Variants in TMEM74 observed in about 807,000 individuals in gnomAD.
TMEM74 encodes the protein transmembrane protein 74.
Under a neutral mutation model 18.1 loss-of-function variants are expected in TMEM74, and 13 were observed. The observed-to-expected ratio is 0.72, with a 90% CI of 0.47 to 1.14. TMEM74 has a LOEUF of 1.14. Among genes scored for constraint, TMEM74 ranks in the 50% most tolerant of loss-of-function variants. TMEM74 has a pLI of 0.00. For synonymous variants in TMEM74, 159 were observed against 146.6 expected, an observed-to-expected ratio of 1.08 and a Z score of -0.61; for missense variants, 372 against 375.9, an observed-to-expected ratio of 0.99 and a Z score of 0.09.
chr8:108,784,272 C>T lies in TMEM74; in HGVS notation c.827G>A (p.Gly276Asp). ...GGTTTTCATCCTGAAGTTGAAAGAA[C>T]CATAGAGTTTTGCAGACTCTTTGGA... ...ASSKESAKLY[G>D]SFNFRMKTST... Residue 276 changes from glycine (G) to aspartate (D), a missense_variant, in exon 2 of 2, where the codon GGT (glycine) becomes GAT (aspartate). Physicochemically the swap from Gly to Asp is moderately conservative, Grantham distance 94. Coordinates refer to ENST00000297459, the MANE Select transcript of TMEM74 (RefSeq NM_153015.3). 2 of 1,614,140 alleles carry T rather than the reference C, an allele frequency of 1.2e-6. No individual in the cohort carries two copies. Among genetic ancestry groups the T allele is most frequent in the Non-Finnish European group, 1.7e-6 (2 of 1,180,032 alleles).
At chr8:108,757,512 C>T (rs1009209705) in intron 1 of TMEM74, among the ~76,000 whole-genome samples, 3 of 151,898 alleles carry the variant, frequency 2.0e-5, no homozygotes, top group African/African-American at 7.3e-5. Flanking sequence ...GAGATATTCA[C>T]AAGCTTATAT....
downstream of TMEM74, among the ~76,000 whole-genome samples, chr8:108,776,089 GA>G: frequency 6.6e-6 from 1 of 152,312 alleles, no homozygotes; most frequent in East Asian, 1.9e-4. Flanking sequence ...TCTCTTGTCA[GA>G]GTGCTTATTG....
At chr8:108,617,178 T>C (rs971537539) in intron 2 of TMEM74, among the ~76,000 whole-genome samples, 4 of 151,746 alleles carry the variant, frequency 2.6e-5, no homozygotes, top group Non-Finnish European at 4.4e-5. Flanking sequence ...AAGAATTTCA[T>C]GCAAACGCAA....
Position 108,722,161 on chromosome 8 carries a change from G to T in TMEM74, n.119+65315C>A, listed in dbSNP as rs1813592098. Among the ~76,000 whole-genome samples the T allele has an allele frequency of 2.6e-5, 4 of 152,248 alleles. 1 individual carries two copies. The South Asian group carries it at 8.3e-4, about 32-fold the overall frequency. ...TTTGTGATTATATTGGGCCCATCTGGTTAATCCAGAATAATCTTCCCATAG... is the reference window on the plus strand; with the variant it reads ...TTTGTGATTATATTGGGCCCATCTGTTTAATCCAGAATAATCTTCCCATAG... On this transcript the variant is annotated intron_variant and non_coding_transcript_variant, in intron 1 of 3. Transcript: ENST00000518838.
chr8:108,765,198 A>T (rs1814090444), intron 1 of TMEM74, among the ~76,000 whole-genome samples: 1 of 152,096 alleles, frequency 6.6e-6, no homozygotes, highest in Non-Finnish European at 1.5e-5. Flanking sequence ...TGAACTGGTG[A>T]TCAGAATTTA....
intron 1 of TMEM74, among the ~76,000 whole-genome samples, chr8:108,752,832 A>G (rs1056075425): frequency 1.3e-5 from 2 of 152,102 alleles, no homozygotes; most frequent in Non-Finnish European, 2.9e-5. Flanking sequence ...TTAATTTCTT[A>G]TCTGTCTTAG....
In TMEM74 at chr8:108,786,987, G is replaced by A. The variant is rs148656005; in HGVS notation, c.-40+489C>T. 6.6e-3 allele frequency among the ~76,000 whole-genome samples: 999 copies of A among 152,160 alleles called. 15 individuals carry two copies. The highest frequency in any genetic ancestry group is 0.022 in the African/African-American group (895 of 41,508). On this transcript the variant is annotated intron_variant, in intron 1 of 1. Coordinates refer to ENST00000297459, the MANE Select transcript of TMEM74 (RefSeq NM_153015.3). ...GATTTCCTTTGCAGCTCCCTAATCC[G>A]GGGTTTCCATTCTCAGTGGAGAATG...
chr8:108,744,066 A>G (rs1241955855), intron 1 of TMEM74, among the ~76,000 whole-genome samples: 6 of 152,172 alleles, frequency 3.9e-5, no homozygotes. Flanking sequence ...GGAGGTGTGC[A>G]ACATTTCCTC....
chr8:108,670,922 A>T (rs1333928641), intron 1 of TMEM74, among the ~76,000 whole-genome samples: 1 of 152,208 alleles, frequency 6.6e-6, no homozygotes, highest in Non-Finnish European at 1.5e-5. Flanking sequence ...TCCAAGAATG[A>T]CCAATTGTGC....
chr8:108,668,483 G>A (rs76678054), intron 1 of TMEM74, among the ~76,000 whole-genome samples: 4,466 of 152,164 alleles, frequency 0.029, 121 homozygotes, highest in African/African-American at 0.066. Context: ...AATAGCACCA[G>A]CTCTAACTCT....
chr8:108,664,496 A>C (rs555295821), intron 1 of TMEM74, among the ~76,000 whole-genome samples: 318 of 152,280 alleles, frequency 2.1e-3, no homozygotes, highest in African/African-American at 7.3e-3. Context: ...GTATCTCAAG[A>C]CTTCGTTAAA....
At chr8:108,722,733 C>A (rs1384953190) in intron 1 of TMEM74, among the ~76,000 whole-genome samples, 3 of 150,168 alleles carry the variant, frequency 2.0e-5, no homozygotes, top group Non-Finnish European at 4.4e-5. Context: ...TTTGCTCCCA[C>A]TAAGCTGTAT....
At chr8:108,680,943 G>C (rs1283523295) in intron 1 of TMEM74, among the ~76,000 whole-genome samples, 1 of 152,044 alleles carries the variant, frequency 6.6e-6, no homozygotes, top group Non-Finnish European at 1.5e-5. Context: ...AAAATACCTA[G>C]GAATCCAACT....
intron 1 of TMEM74, among the ~76,000 whole-genome samples, chr8:108,756,643 A>G (rs13252963): frequency 0.027 from 1,293 of 48,554 alleles, 45 homozygotes; most frequent in African/African-American, 0.052. Context: ...AGGAAGGAAG[A>G]AAGAAAGAGA....
At chr8:108,643,508 C>T (rs2935769) in intron 2 of TMEM74, among the ~76,000 whole-genome samples, 29,911 of 151,946 alleles carry the variant, frequency 0.2, 3,007 homozygotes, top group East Asian at 0.27. Context: ...TTTTGCCACA[C>T]ATATTTTTGG....
Position 108,721,300 on chromosome 8 carries a change from G to A in TMEM74, n.120-65863C>T, listed in dbSNP as rs910525999. On this transcript the variant is annotated intron_variant and non_coding_transcript_variant, in intron 1 of 3. Coordinates refer to the TMEM74 transcript ENST00000518838. Reference sequence around the variant, plus strand: ...CCAAGAAAGACACTCTGTCTCACTAGAATCTTATCAAATTCCAGCTGGGAC... The same window carrying A: ...CCAAGAAAGACACTCTGTCTCACTAAAATCTTATCAAATTCCAGCTGGGAC... Among the ~76,000 whole-genome samples the A allele has an allele frequency of 3.9e-5, 6 of 152,288 alleles. No homozygotes were observed. The South Asian group carries it at 1.2e-3, about 32-fold the overall frequency.
intron 2 of TMEM74, among the ~76,000 whole-genome samples, chr8:108,636,311 C>G (rs992879006): frequency 6.6e-6 from 1 of 152,004 alleles, no homozygotes; most frequent in African/African-American, 2.4e-5. Context: ...ATTCTGTTCC[C>G]TTAGTTTGTT....
intron 2 of TMEM74, among the ~76,000 whole-genome samples, chr8:108,637,604 GA>G (rs1812620180): frequency 6.6e-6 from 1 of 152,172 alleles, no homozygotes; most frequent in Middle Eastern, 3.4e-3. Flanking sequence ...TGCTGGCTTT[GA>G]AAAGAAAAGG....
At position 108,780,852 on chromosome 8, in the gene TMEM74, A is replaced by G. The variant is rs1286988266; in HGVS notation, c.*3329T>C. On this transcript the variant is annotated 3_prime_UTR_variant, in exon 2 of 2. Coordinates refer to ENST00000297459, the MANE Select transcript of TMEM74 (RefSeq NM_153015.3). The stretch of plus-strand genomic sequence containing the variant: ...GCTGTTCTTTATATGAGGGGCCAGT[A>G]CATCTTATTATGTGATCTGCTTTAA... Among the ~76,000 whole-genome samples, 5 of 152,178 alleles carry G rather than the reference A, an allele frequency of 3.3e-5. No homozygotes were observed. The highest frequency in any genetic ancestry group is 1.3e-4 in the Admixed American group (2 of 15,278).
Sources: allele counts gnomAD v4.1 joint callset (sites outside exome capture counted in the v4.1 genomes callset), GRCh38; gene constraint gnomAD v4.1.1; transcripts MANE v1.5; gene names NCBI Gene and HGNC (gene_info 2026-07-23, HGNC 2026-07-21).